Variants in PAK4 observed in about 807,000 individuals in gnomAD.
PAK4 encodes serine/threonine-protein kinase PAK 4.
In PAK4, 49 loss-of-function variants were observed where a neutral mutation model predicts 53.5. The observed-to-expected ratio is 0.92, with a 90% CI of 0.73 to 1.16. The LOEUF (loss-of-function observed/expected upper bound fraction) is 1.16. Ranked by LOEUF, PAK4 falls within the 50% of genes most tolerant of loss-of-function variation. PAK4 has a pLI of 0.00. For synonymous variants in PAK4, 376 were observed against 375.6 expected, an observed-to-expected ratio of 1.00 and a Z score of -0.01; for missense variants, 824 against 850.7, an observed-to-expected ratio of 0.97 and a Z score of 0.39.
intron 1 of PAK4, among the ~76,000 whole-genome samples, chr19:39,159,516 G>T (rs1033599783): frequency 2.0e-5 from 3 of 152,140 alleles, no homozygotes; most frequent in Admixed American, 2.0e-4. Flanking sequence ...CTCCCAAGTA[G>T]CTGGGACTAG....
At chr19:39,127,662 G>A (rs1282759247) in intron 1 of PAK4, among the ~76,000 whole-genome samples, 1 of 152,132 alleles carries the variant, frequency 6.6e-6, no homozygotes, top group Non-Finnish European at 1.5e-5. Flanking sequence ...GCCTCAGAGG[G>A]CACTCAGTTC....
intron 1 of PAK4, among the ~76,000 whole-genome samples, chr19:39,148,465 G>GTTTTTTTT (rs1568506439): frequency 3.3e-4 from 3 of 9,122 alleles, no homozygotes; most frequent in Non-Finnish European, 4.5e-4. Context: ...AGTTTCTTCT[G>GTTTTTTTT]CTTTTTTTTT....
intron 2 of PAK4, among the ~76,000 whole-genome samples, chr19:39,171,344 G>A (rs1427788877): frequency 6.6e-6 from 1 of 152,170 alleles, no homozygotes; most frequent in Non-Finnish European, 1.5e-5. Flanking sequence ...GCGTAGCTGG[G>A]ATTACAGGCG....
At chr19:39,143,452 G>T (rs987871927) in intron 1 of PAK4, among the ~76,000 whole-genome samples, 3 of 151,526 alleles carry the variant, frequency 2.0e-5, no homozygotes, top group African/African-American at 7.3e-5. Context: ...AATTAGCTTG[G>T]CGAGGTGGCA....
intron 1 of PAK4, among the ~76,000 whole-genome samples, chr19:39,143,190 A>G (rs1181438204): frequency 3.4e-5 from 5 of 149,250 alleles, no homozygotes; most frequent in Non-Finnish European, 5.9e-5. Context: ...GAGAGCAGAG[A>G]CTCTTGTCTT....
intron 1 of PAK4, among the ~76,000 whole-genome samples, chr19:39,160,236 C>A (rs1243755236): frequency 1.3e-5 from 2 of 152,216 alleles, no homozygotes; most frequent in Non-Finnish European, 2.9e-5. Context: ...GGCCCCATCC[C>A]CGTGCCCTGC....
In PAK4 at chr19:39,173,732, C is replaced by T; in HGVS notation, c.820C>T (p.Pro274Ser). The T allele has an allele frequency of 6.3e-7, 1 of 1,575,588 alleles. No homozygotes were observed. Among genetic ancestry groups the T allele is most frequent in the Non-Finnish European group, 8.6e-7 (1 of 1,163,626 alleles). The change falls in exon 4 of 9, where the codon CCA becomes TCA. Residue 274 changes from proline to serine, a missense_variant. This residue lies in a region of PAK4 where 478 missense variants were observed against 435.8 expected (regional missense o/e 1.10). Transcript: ENST00000358301. The surrounding 1 kb of genome is among the most constrained non-coding windows in gnomAD (Gnocchi z 6.9). ...CGCCTCAGAGCCCCAGCTGGCCCCT[C>T]CAGCCTGCACCCCCGCCGCCCCTGC...
chr19:39,173,603 G>C lies in PAK4; in HGVS notation c.691G>C (p.Gly231Arg). 6.5e-7 allele frequency: 1 copy of C among 1,529,882 alleles called. No homozygotes were observed. Among genetic ancestry groups the C allele is most frequent in the Non-Finnish European group, 8.8e-7 (1 of 1,141,124 alleles). The allele number at this position is 1,529,882 out of a possible 1,614,324, so 94.8% of individuals were successfully genotyped here. A position where few individuals can be genotyped will look rare whatever the true frequency, so the allele number is the denominator to read the frequency against. The stretch of plus-strand genomic sequence containing the variant: ...GGAGCCTCATGACGTGGCCCCTAAC[G>C]GGCCATCAGCGGGGGGCCTGGCCAT... The change falls in exon 4 of 9, where the codon GGG becomes CGG. Residue 231 changes from glycine to arginine, a missense_variant. Physicochemically the swap from Gly to Arg is moderately radical, Grantham distance 125 (BLOSUM62 -2). This residue lies in a region of PAK4 where 478 missense variants were observed against 435.8 expected (regional missense o/e 1.10). Coordinates refer to ENST00000358301, the Ensembl canonical transcript of PAK4. The surrounding 1 kb of genome is among the most constrained non-coding windows in gnomAD (Gnocchi z 6.9).
rs1259163196 is a variant in PAK4, at chr19:39,173,384, AT to A, written c.663+9del. The A allele has an allele frequency of 1.3e-6, 2 of 1,513,474 alleles. No individual in the cohort carries two copies. The highest frequency in any genetic ancestry group is 2.2e-5 in the Admixed American group (1 of 46,002). 93.8% of individuals were successfully genotyped at this position (1,513,474 alleles called of 1,614,324 possible). A position where few individuals can be genotyped will look rare whatever the true frequency, so the allele number is the denominator to read the frequency against. The stretch of plus-strand genomic sequence containing the variant: ...CCATCCCGGGGTGCCCAGGTAACCC[AT>A]CCCCCGCCCCAGGGCCCCCACTGTC... On this transcript the variant is annotated intron_variant, in intron 3 of 8. Transcript: ENST00000358301. This position sits in a 1 kb window ranked among gnomAD's most constrained non-coding sequence, Gnocchi z 6.9.
intron 1 of PAK4, among the ~76,000 whole-genome samples, chr19:39,154,370 G>GT (rs1471323633): frequency 5.3e-5 from 8 of 152,058 alleles, no homozygotes; most frequent in South Asian, 2.1e-4. Flanking sequence ...CATTTCTCTT[G>GT]TTTTTTTAAA....
intron 7 of PAK4, 29 bp downstream of exon 8, chr19:39,176,744 G>T (rs372021788): frequency 6.2e-7 from 1 of 1,602,004 alleles, no homozygotes. Context: ...TGGTTGTCCC[G>T]CCGTGGACAG....
chr19:39,173,938 C>T lies in PAK4; in HGVS notation c.1026C>T (p.Ser342=). 1 of 1,611,264 alleles carries T rather than the reference C, an allele frequency of 6.2e-7. No individual in the cohort carries two copies. Among genetic ancestry groups the T allele is most frequent in the Non-Finnish European group, 8.5e-7 (1 of 1,179,432 alleles). The change falls in exon 4 of 9, where the codon AGC becomes AGT. Residue 342 remains serine, a synonymous_variant. Transcript: ENST00000358301. This position sits in a 1 kb window ranked among gnomAD's most constrained non-coding sequence, Gnocchi z 6.9. ...TCGTGTGCATCGCCACCGTGCGCAGCTCGGGCAAGCTGGTGGCCGTCAAGA... is the reference window on the plus strand; with the variant it reads ...TCGTGTGCATCGCCACCGTGCGCAGTTCGGGCAAGCTGGTGGCCGTCAAGA...
intron 1 of PAK4, chr19:39,134,960 G>A (rs962550366): frequency 9.9e-5 from 15 of 152,280 alleles, no homozygotes; most frequent in African/African-American, 3.6e-4. Context: ...CCATCTCTTT[G>A]TAGCATCTCC....
intron 1 of PAK4, among the ~76,000 whole-genome samples, chr19:39,149,585 G>A (rs563160576): frequency 2.0e-5 from 3 of 152,294 alleles, no homozygotes; most frequent in Admixed American, 6.5e-5. Context: ...GGCCAGGCGC[G>A]GTGGCTCACG....
At chr19:39,131,900 C>G (rs2073719056) in intron 1 of PAK4, among the ~76,000 whole-genome samples, 1 of 152,216 alleles carries the variant, frequency 6.6e-6, no homozygotes, top group Admixed American at 6.5e-5. Flanking sequence ...TTGGTGGCCA[C>G]CTCTCAGGGC....
chr19:39,127,319 CCCGCCCGGTCTTTGACCTT>C (rs1360346141), intron 1 of PAK4, among the ~76,000 whole-genome samples: 1 of 152,048 alleles, frequency 6.6e-6, no homozygotes, highest in East Asian at 1.9e-4. Flanking sequence ...GCCCATGCCT[CCCGCCCGGTCTTTGACCTT>C]CCTGTTCCTT....
intron 1 of PAK4, among the ~76,000 whole-genome samples, chr19:39,151,332 A>G (rs948541499): frequency 4.6e-5 from 7 of 152,262 alleles, no homozygotes; most frequent in Admixed American, 3.9e-4. Context: ...CACACCTCAC[A>G]TATCAGCAGA....
chr19:39,173,036 C>T lies in PAK4; in HGVS notation c.323C>T (p.Pro108Leu), dbSNP rs114116556. 2.5e-3 allele frequency: 3,857 copies of T among 1,549,056 alleles called. 47 individuals are homozygous for T. In the African/African-American group the frequency reaches 0.027, roughly 11 times the overall value. Residue 108 changes from proline to leucine, a missense_variant, in exon 3 of 9, where the codon CCC (proline) becomes CTC (leucine). This residue lies in a region of PAK4 where 478 missense variants were observed against 435.8 expected (regional missense o/e 1.10). Transcript: ENST00000358301. This position sits in a 1 kb window ranked among gnomAD's most constrained non-coding sequence, Gnocchi z 6.9. ...CTGCGGAGAGACAGCCCGCCGCCGC[C>T]CGCCCGTGCCCGCCAGGAAAATGGG...
At chr19:39,137,410 T>A (rs1549927) in intron 1 of PAK4, among the ~76,000 whole-genome samples, 1 of 151,858 alleles carries the variant, frequency 6.6e-6, no homozygotes, top group East Asian at 1.9e-4. Context: ...CGGCCCTGTG[T>A]CCCGGCCAGT....
Sources: gnomAD v4.1 joint callset for allele counts (sites outside exome capture counted in the v4.1 genomes callset) on GRCh38, gnomAD v4.1.1 for gene constraint, gnomAD v4.1.1 regional missense constraint, Gnocchi (gnomAD v3.1) non-coding constraint, MANE v1.5 for transcripts, NCBI Gene and HGNC (gene_info 2026-07-23, HGNC 2026-07-21) for gene names.